Variants in DIP2C observed in about 807,000 individuals in gnomAD.
DIP2C encodes the protein disco-interacting protein 2 homolog C.
In DIP2C, 33 loss-of-function variants were observed where a neutral mutation model predicts 192.4. That is an observed-to-expected ratio of 0.17 (90% CI 0.13 to 0.23). The LOEUF is 0.23. Among genes scored for constraint, DIP2C ranks in the 10% least tolerant of loss-of-function variants. The pLI is 1.00. For missense variants in DIP2C, 1,537 were observed against 2,110.1 expected (o/e 0.73, Z 5.32); for synonymous variants, 979 against 864.1 (o/e 1.13, Z -2.33).
intron 3 of DIP2C, among the ~76,000 whole-genome samples, chr10:469,415 C>G (rs1455641744): frequency 1.3e-5 from 2 of 150,690 alleles, no homozygotes; most frequent in African/African-American, 4.9e-5. Flanking sequence ...CTCCCGGGTT[C>G]AAGAGATTCT....
At chr10:378,589 A>ACATG (rs10665359) in intron 17 of DIP2C, among the ~76,000 whole-genome samples, 93,355 of 151,310 alleles carry the variant, frequency 0.62, 29,001 homozygotes, top group East Asian at 0.78. Context: ...GTGAACGCAG[A>ACATG]CATAGACACA....
chr10:571,398 CG>C (rs984490493), intron 1 of DIP2C, among the ~76,000 whole-genome samples: 12 of 152,284 alleles, frequency 7.9e-5, no homozygotes, highest in South Asian at 2.1e-4. Context: ...CCGCGAGGGT[CG>C]GGAACCGGCT....
chr10:468,713 G>A (rs150244522), intron 3 of DIP2C, among the ~76,000 whole-genome samples: 57 of 152,198 alleles, frequency 3.7e-4, no homozygotes, highest in Non-Finnish European at 6.6e-4. Flanking sequence ...CGTGACCTGT[G>A]TCACACCACA....
intron 1 of DIP2C, among the ~76,000 whole-genome samples, chr10:598,643 G>A (rs1455204596): frequency 1.3e-5 from 2 of 151,272 alleles, no homozygotes; most frequent in African/African-American, 2.4e-5. Flanking sequence ...CCTTGATGAA[G>A]TCATTCATTC....
chr10:297,241 T>TAC (rs140637166), intron 32 of DIP2C, among the ~76,000 whole-genome samples: 3,074 of 115,578 alleles, frequency 0.027, 83 homozygotes, highest in African/African-American at 0.072. Flanking sequence ...CCCCACCACA[T>TAC]ACACACACAC....
chr10:642,772 G>A (rs1375765606), intron 1 of DIP2C, among the ~76,000 whole-genome samples: 1 of 152,248 alleles, frequency 6.6e-6, no homozygotes. Flanking sequence ...AGCCCTTCAT[G>A]CGTCTGTACC....
intron 1 of DIP2C, among the ~76,000 whole-genome samples, chr10:548,511 GAGGGAGGGAGGCAGGC>G (rs1411645436): frequency 6.6e-6 from 1 of 150,906 alleles, no homozygotes; most frequent in African/African-American, 2.5e-5. Context: ...GGCCAGGAGG[GAGGGAGGGAGGCAGGC>G]AGGCAGGCAG....
chr10:604,162 C>T (rs1284076577), intron 1 of DIP2C, among the ~76,000 whole-genome samples: 1 of 151,998 alleles, frequency 6.6e-6, no homozygotes, highest in African/African-American at 2.4e-5. Context: ...CCAGGGTCCT[C>T]CCCCATCTCA....
intron 1 of DIP2C, among the ~76,000 whole-genome samples, chr10:579,203 A>AGCATACAC (rs888381750): frequency 3.3e-5 from 5 of 152,162 alleles, no homozygotes; most frequent in African/African-American, 1.2e-4. Flanking sequence ...ACATGCATAG[A>AGCATACAC]GCATACACAC....
At chr10:456,987 T>C (rs1357736124) in intron 3 of DIP2C, among the ~76,000 whole-genome samples, 1 of 152,240 alleles carries the variant, frequency 6.6e-6, no homozygotes, top group African/African-American at 2.4e-5. Context: ...TCATTTCTCT[T>C]ACAGTGTTTA....
rs1554772172 is a variant in DIP2C, at chr10:674,826, A to AGAGACC, written c.85+14662_85+14667dup. 4.8e-3 allele frequency among the ~76,000 whole-genome samples: 692 copies of AGAGACC among 144,702 alleles called. 7 individuals are homozygous for AGAGACC. Among genetic ancestry groups the AGAGACC allele is most frequent in the African/African-American group, 0.014 (515 of 37,774 alleles). The allele number at this position is 144,702 out of a possible 152,430, so 94.9% of individuals were successfully genotyped here. ...GAGAGAGAGAGAGAGAGAGAGAGAG[A>AGAGACC]GAGACCAACACAACAATAGTAGGGG... On this transcript the variant is annotated intron_variant, in intron 1 of 36. Coordinates refer to ENST00000280886, the MANE Select transcript of DIP2C (RefSeq NM_014974.3).
rs1564251647 is a variant in DIP2C, at chr10:600,463, C to CCCCACA, written c.85+89030_85+89031insTGTGGG. On this transcript the variant is annotated intron_variant, in intron 1 of 36. Coordinates refer to ENST00000280886, the MANE Select transcript of DIP2C (RefSeq NM_014974.3). ...GTGCAGATGCTCCGGAGCCACCCGA[C>CCCCACA]AGCCCTTTCCACCTTAAAGACGACG... Among the ~76,000 whole-genome samples, 27 of 146,290 alleles carry CCCCACA rather than the reference C, an allele frequency of 1.8e-4. 3 individuals are homozygous for CCCCACA. The highest frequency in any genetic ancestry group is 6.6e-4 in the African/African-American group (25 of 37,702).
At chr10:523,389 T>C (rs997946689) in intron 1 of DIP2C, among the ~76,000 whole-genome samples, 1 of 146,104 alleles carries the variant, frequency 6.8e-6, no homozygotes, top group Non-Finnish European at 1.5e-5. Context: ...CACACACTCG[T>C]TTCTACCGGA....
intron 1 of DIP2C, among the ~76,000 whole-genome samples, chr10:546,905 T>G (rs948837036): frequency 5.3e-4 from 81 of 152,232 alleles, no homozygotes; most frequent in African/African-American, 1.7e-3. Context: ...GGGAATAACG[T>G]AAGGTATTTT....
chr10:613,695 T>C (rs770516730), intron 1 of DIP2C, among the ~76,000 whole-genome samples: 18 of 152,226 alleles, frequency 1.2e-4, no homozygotes, highest in Admixed American at 2.0e-4. Flanking sequence ...ATGGAAGAAC[T>C]GTTGCCCAGG....
chr10:378,962 TCC>T (rs1564636837), intron 17 of DIP2C, among the ~76,000 whole-genome samples: 1 of 152,214 alleles, frequency 6.6e-6, no homozygotes, highest in Non-Finnish European at 1.5e-5. Context: ...CTTCAAAGTC[TCC>T]GACTCATGTT....
At chr10:410,415 C>T (rs1423094135) in intron 8 of DIP2C, among the ~76,000 whole-genome samples, 2 of 152,220 alleles carry the variant, frequency 1.3e-5, no homozygotes, top group African/African-American at 4.8e-5. Context: ...TCCTCATCCT[C>T]AACACCATAG....
chr10:464,383 G>GA (rs376425011), intron 3 of DIP2C, among the ~76,000 whole-genome samples: 163 of 135,306 alleles, frequency 1.2e-3, no homozygotes, highest in East Asian at 3.6e-3. Context: ...AACAAACTTA[G>GA]AAAAAAAAAA....
intron 30 of DIP2C, among the ~76,000 whole-genome samples, chr10:328,792 G>C (rs536200174): frequency 2.6e-5 from 4 of 152,140 alleles, no homozygotes; most frequent in Non-Finnish European, 5.9e-5. Flanking sequence ...CATCCAAAGA[G>C]TACAAAGTCA....
Sources: gnomAD v4.1 joint callset for allele counts (sites outside exome capture counted in the v4.1 genomes callset) on GRCh38, gnomAD v4.1.1 for gene constraint, MANE v1.5 for transcripts, NCBI Gene and HGNC (gene_info 2026-07-23, HGNC 2026-07-21) for gene names.